Variants in ST8SIA6 observed in about 807,000 individuals in gnomAD.
The protein encoded by ST8SIA6 is ST8 alpha-N-acetyl-neuraminide alpha-2,8-sialyltransferase 6.
A neutral mutation model predicts 33.6 loss-of-function variants in ST8SIA6; 39 were observed. The ratio of observed to expected loss-of-function variants is 1.16; its 90% confidence interval spans 0.90 to 1.52. ST8SIA6 has a LOEUF of 1.52. ST8SIA6 is among the 40% of genes most tolerant of loss of function. The pLI is 0.00. For synonymous variants in ST8SIA6, 172 were observed against 167.2 expected (o/e 1.03, Z -0.22); for missense variants, 441 against 443.8 (o/e 0.99, Z 0.06).
At chr10:17,378,276 T>C (rs571854437) in intron 3 of ST8SIA6, among the ~76,000 whole-genome samples, 1 of 152,320 alleles carries the variant, frequency 6.6e-6, no homozygotes, top group South Asian at 2.1e-4. Flanking sequence ...TCTTCCATGA[T>C]TAGAGAATTT....
In ST8SIA6 at chr10:17,316,077, T is replaced by G. The variant is rs1474248444; in HGVS notation, c.*4801A>C. ...TATGTAGTAGTAAGAATATCATATG[T>G]GAGTATAAGAATATATATGTCAAAG... On this transcript the variant is annotated 3_prime_UTR_variant, in exon 8 of 8. Transcript: ENST00000377602. Among the ~76,000 whole-genome samples the G allele has an allele frequency of 6.6e-6, 1 of 152,020 alleles. No homozygotes were observed. Among genetic ancestry groups the G allele is most frequent in the Non-Finnish European group, 1.5e-5 (1 of 67,910 alleles).
intron 2 of ST8SIA6, among the ~76,000 whole-genome samples, chr10:17,435,504 T>C (rs1852222703): frequency 6.6e-6 from 1 of 152,184 alleles, no homozygotes; most frequent in Non-Finnish European, 1.5e-5. Flanking sequence ...TTCTACATAA[T>C]AACATTGTGG....
intron 4 of ST8SIA6, among the ~76,000 whole-genome samples, chr10:17,334,321 C>T (rs1052559762): frequency 2.6e-5 from 4 of 151,158 alleles, no homozygotes; most frequent in African/African-American, 4.8e-5. Context: ...GGGCGGATCA[C>T]GAGGTCAGGA....
At chr10:17,415,653 T>G (rs1851578881) in intron 2 of ST8SIA6, among the ~76,000 whole-genome samples, 1 of 152,108 alleles carries the variant, frequency 6.6e-6, no homozygotes, top group Non-Finnish European at 1.5e-5. Context: ...TGTGTTAGCC[T>G]TTTCTCTCGT....
At chr10:17,442,146 C>T (rs1208044043) in intron 2 of ST8SIA6, among the ~76,000 whole-genome samples, 11 of 152,218 alleles carry the variant, frequency 7.2e-5, no homozygotes, top group Non-Finnish European at 1.3e-4. Flanking sequence ...GGATTACAGG[C>T]GTGGGCCACT....
chr10:17,433,176 A>G (rs1026848868), intron 2 of ST8SIA6, among the ~76,000 whole-genome samples: 5 of 152,196 alleles, frequency 3.3e-5, no homozygotes, highest in Non-Finnish European at 5.9e-5. Context: ...ACTCAGGAAC[A>G]TTTTAAATCT....
At position 17,411,109 on chromosome 10, in the gene ST8SIA6, A is replaced by G. The variant is rs147899270; in HGVS notation, c.201-20489T>C. On this transcript the variant is annotated intron_variant, in intron 2 of 7. Transcript: ENST00000377602. The stretch of plus-strand genomic sequence containing the variant: ...GTGGTAGTCGGTTCTGAGAAATGCA[A>G]TCAATCACATGTCATTTCAGACAAC... Among the ~76,000 whole-genome samples, 357 of 152,302 alleles carry G rather than the reference A, an allele frequency of 2.3e-3. 1 individual carries two copies. Among genetic ancestry groups the G allele is most frequent in the African/African-American group, 7.4e-3 (307 of 41,552 alleles).
chr10:17,346,230 G>A (rs1229945338), intron 4 of ST8SIA6, among the ~76,000 whole-genome samples: 1 of 152,196 alleles, frequency 6.6e-6, no homozygotes, highest in Non-Finnish European at 1.5e-5. Context: ...TAACTGACAT[G>A]TGAGCGTCAC....
At position 17,323,153 on chromosome 10, in the gene ST8SIA6, T is replaced by C; in HGVS notation, c.640A>G (p.Asn214Asp). 6.2e-7 allele frequency: 1 copy of C among 1,612,610 alleles called. No individual in the cohort carries two copies. The highest frequency in any genetic ancestry group is 8.5e-7 in the Non-Finnish European group (1 of 1,179,460). The change falls in exon 7 of 8, where the codon AAC becomes GAC. Residue 214 changes from asparagine (N) to aspartate (D), a missense_variant. Asn to Asp is a conservative substitution (Grantham distance 23). Transcript: ENST00000377602. ...IDKSDFVFRCNLPPTTGDVSK... is the reference protein window; with the variant it reads ...IDKSDFVFRCDLPPTTGDVSK... ...ACATCTCCTGTGGTTGGGGGTAGGT[T>C]ACACCTGAAATTTGAAAAGAAAATC...
intron 4 of ST8SIA6, among the ~76,000 whole-genome samples, chr10:17,342,199 A>G (rs1414504984): frequency 6.6e-6 from 1 of 152,176 alleles, no homozygotes; most frequent in Non-Finnish European, 1.5e-5. Context: ...TGGTATTACA[A>G]TTTGCAAAGT....
chr10:17,364,282 A>G (rs907499249), intron 3 of ST8SIA6, among the ~76,000 whole-genome samples: 1 of 152,206 alleles, frequency 6.6e-6, no homozygotes, highest in Non-Finnish European at 1.5e-5. Context: ...AATTTAACCT[A>G]ATATTGAAAG....
chr10:17,383,312 C>CA (rs1396825348), intron 3 of ST8SIA6, among the ~76,000 whole-genome samples: 2 of 151,716 alleles, frequency 1.3e-5, no homozygotes, highest in Non-Finnish European at 2.9e-5. Flanking sequence ...CCCTAAAGTC[C>CA]AAAAAATGAC....
At chr10:17,349,195 A>G (rs1006674811) in intron 4 of ST8SIA6, among the ~76,000 whole-genome samples, 2 of 152,224 alleles carry the variant, frequency 1.3e-5, no homozygotes, top group Non-Finnish European at 2.9e-5. Context: ...AACGAACTGA[A>G]CAGGAAGAGT....
intron 2 of ST8SIA6, among the ~76,000 whole-genome samples, chr10:17,397,914 A>C (rs1316823975): frequency 1.3e-5 from 2 of 152,254 alleles, no homozygotes; most frequent in African/African-American, 4.8e-5. Context: ...CTTTTAAAAA[A>C]TTATATCTGT....
chr10:17,453,307 G>A (rs1197938983), intron 2 of ST8SIA6, among the ~76,000 whole-genome samples: 3 of 151,988 alleles, frequency 2.0e-5, no homozygotes, highest in African/African-American at 7.2e-5. Context: ...CTCAGCACCC[G>A]TTTTTCAAAT....
At chr10:17,325,530 G>A (rs1189642844) in intron 6 of ST8SIA6, among the ~76,000 whole-genome samples, 1 of 151,038 alleles carries the variant, frequency 6.6e-6, no homozygotes, top group Non-Finnish European at 1.5e-5. Context: ...AACTGGTATA[G>A]TCATATATAG....
At chr10:17,409,497 C>G (rs974638803) in intron 2 of ST8SIA6, 2 of 151,986 alleles carry the variant, frequency 1.3e-5, no homozygotes, top group Non-Finnish European at 2.9e-5. Context: ...ATTTGGGAGG[C>G]GAAGGCAGGC....
At chr10:17,397,967 A>G (rs1850880624) in intron 2 of ST8SIA6, among the ~76,000 whole-genome samples, 2 of 152,232 alleles carry the variant, frequency 1.3e-5, no homozygotes, top group African/African-American at 4.8e-5. Flanking sequence ...TACAAGCCCC[A>G]CTGACAAGAT....
rs1364614130 is a variant in ST8SIA6 at position 17,371,547 on chromosome 10, G to A, written c.291-11947C>T. 3.3e-5 allele frequency among the ~76,000 whole-genome samples: 5 copies of A among 152,044 alleles called. No individual in the cohort carries two copies. The East Asian group carries it at 7.7e-4, about 23-fold the overall frequency. On this transcript the variant is annotated intron_variant, in intron 3 of 7. Coordinates refer to ENST00000377602, the MANE Select transcript of ST8SIA6 (RefSeq NM_001004470.3). ...TTCCTGTAATCTCAACACCTTGGAA[G>A]GGAGAGGTGGGAGGATGACCTGAGA...
Sources: allele counts gnomAD v4.1 joint callset (sites outside exome capture counted in the v4.1 genomes callset), GRCh38; gene constraint gnomAD v4.1.1; transcripts MANE v1.5; gene names NCBI Gene and HGNC (gene_info 2026-07-23, HGNC 2026-07-21).